OPCML: variants seen among roughly 807,000 people sequenced by gnomAD.
The protein encoded by OPCML is opioid-binding protein/cell adhesion molecule.
Under a neutral mutation model 37.8 loss-of-function variants are expected in OPCML, and 13 were observed. The ratio of observed to expected loss-of-function variants is 0.34; its 90% CI spans 0.22 to 0.55. The LOEUF (loss-of-function observed/expected upper bound fraction) is 0.55. OPCML is among the 20% of genes least tolerant of loss of function. The pLI is 0.91. For synonymous variants in OPCML, 176 were observed against 168.8 expected, an observed-to-expected ratio of 1.04 and a Z score of -0.33; for missense variants, 341 against 435.6, an observed-to-expected ratio of 0.78 and a Z score of 1.93.
chr11:132,905,225 C>CT (rs373679886), intron 2 of OPCML, among the ~76,000 whole-genome samples: 36,032 of 87,860 alleles, frequency 0.41, 9,106 homozygotes, highest in Non-Finnish European at 0.49. Context: ...GAAAGCAGTT[C>CT]TTTTTTTTTT....
At chr11:132,618,435 G>A (rs111783986) in intron 3 of OPCML, among the ~76,000 whole-genome samples, 12,038 of 152,098 alleles carry the variant, frequency 0.079, 910 homozygotes, top group African/African-American at 0.19. Context: ...CCCGGGAGGC[G>A]TAGGTTGCAG....
chr11:132,682,745 T>C (rs779045642), intron 2 of OPCML, among the ~76,000 whole-genome samples: 3 of 152,192 alleles, frequency 2.0e-5, no homozygotes, highest in Admixed American at 6.5e-5. Flanking sequence ...TGAGTAAAAG[T>C]TGATCTCTCC....
At chr11:133,374,839 C>T (rs1167605611) in intron 1 of OPCML, among the ~76,000 whole-genome samples, 1 of 152,172 alleles carries the variant, frequency 6.6e-6, no homozygotes, top group Non-Finnish European at 1.5e-5. Flanking sequence ...CTCTTTCTCC[C>T]ACTGCCCACT....
intron 1 of OPCML, among the ~76,000 whole-genome samples, chr11:133,099,433 T>C (rs1371165412): frequency 4.1e-5 from 5 of 122,294 alleles, no homozygotes; most frequent in African/African-American, 1.4e-4. Flanking sequence ...TGGCTAATTT[T>C]CTTTTTTTCT....
intron 1 of OPCML, chr11:133,005,240 A>T (rs1472137302): frequency 1.0e-6 from 1 of 985,292 alleles, no homozygotes; most frequent in Non-Finnish European, 1.2e-6. Context: ...ACGATTTTAA[A>T]AGATTGATAG....
intron 1 of OPCML, among the ~76,000 whole-genome samples, chr11:133,498,093 C>A (rs559024141): frequency 1.4e-4 from 22 of 152,328 alleles, no homozygotes; most frequent in African/African-American, 5.3e-4. Flanking sequence ...TCTGCACCAC[C>A]GGAGAGGAGA....
chr11:133,458,180 G>GTA (rs1413526199), intron 1 of OPCML, among the ~76,000 whole-genome samples: 7 of 141,168 alleles, frequency 5.0e-5, no homozygotes, highest in African/African-American at 1.7e-4. Context: ...ACATATATGT[G>GTA]TATATATACA....
intron 1 of OPCML, among the ~76,000 whole-genome samples, chr11:133,471,644 C>T (rs1406418498): frequency 6.6e-6 from 1 of 152,026 alleles, no homozygotes; most frequent in Non-Finnish European, 1.5e-5. Flanking sequence ...GAGTAAAAAA[C>T]CGGAGTGGAA....
intron 1 of OPCML, among the ~76,000 whole-genome samples, chr11:133,195,385 G>GCTGGAATCC (rs1301896126): frequency 4.6e-5 from 7 of 152,334 alleles, no homozygotes; most frequent in African/African-American, 1.7e-4. Context: ...GAGAAAAGAT[G>GCTGGAATCC]CTGGAATCCT....
At chr11:133,334,202 T>C (rs1413555981) in intron 1 of OPCML, among the ~76,000 whole-genome samples, 4 of 152,296 alleles carry the variant, frequency 2.6e-5, no homozygotes, top group South Asian at 2.1e-4. Flanking sequence ...CAAATATTCA[T>C]TGCAGCACTC....
intron 1 of OPCML, among the ~76,000 whole-genome samples, chr11:133,339,453 C>T (rs1171771659): frequency 6.6e-6 from 1 of 152,222 alleles, no homozygotes; most frequent in Non-Finnish European, 1.5e-5. Flanking sequence ...GAGGGCTGCC[C>T]ACTGTTTCCC....
At chr11:132,513,403 TAC>T (rs1491102516) in intron 4 of OPCML, among the ~76,000 whole-genome samples, 3 of 152,164 alleles carry the variant, frequency 2.0e-5, no homozygotes, top group Non-Finnish European at 4.4e-5. Flanking sequence ...AAGATTTGAA[TAC>T]AGATTTTGCT....
At chr11:133,523,801 G>T (rs1447761975) in intron 1 of OPCML, among the ~76,000 whole-genome samples, 1 of 152,116 alleles carries the variant, frequency 6.6e-6, no homozygotes, top group Admixed American at 6.5e-5. Flanking sequence ...TGTTCATTCT[G>T]CCTCTTCCTT....
intron 4 of OPCML, among the ~76,000 whole-genome samples, chr11:132,526,878 C>T (rs982648937): frequency 2.0e-5 from 3 of 152,070 alleles, no homozygotes; most frequent in South Asian, 2.1e-4. Context: ...GGCCCTTTGC[C>T]GTCACTTCTC....
At chr11:132,453,660 C>A (rs557938424) in intron 4 of OPCML, among the ~76,000 whole-genome samples, 2 of 152,172 alleles carry the variant, frequency 1.3e-5, no homozygotes, top group African/African-American at 2.4e-5. Context: ...TTAAGCCCCT[C>A]GGCAGGGTTT....
intron 4 of OPCML, among the ~76,000 whole-genome samples, chr11:132,499,541 G>A (rs997675320): frequency 3.3e-5 from 5 of 152,232 alleles, no homozygotes; most frequent in African/African-American, 1.2e-4. Flanking sequence ...GGAAAAGCAT[G>A]GTGATGGAGC....
intron 1 of OPCML, among the ~76,000 whole-genome samples, chr11:132,959,140 T>C (rs1414722239): frequency 1.3e-5 from 2 of 152,180 alleles, no homozygotes; most frequent in Non-Finnish European, 2.9e-5. Context: ...AGTATCCACA[T>C]TAACAGGAGC....
chr11:133,489,853 T>C (rs1565663412), intron 1 of OPCML, among the ~76,000 whole-genome samples: 1 of 92,010 alleles, frequency 1.1e-5, no homozygotes, highest in Non-Finnish European at 2.2e-5. Context: ...TATATATATA[T>C]TTTTTTATAC....
At chr11:132,436,320 G>A (rs1266788484) in intron 6 of OPCML, 83 bp from the exon 7 acceptor site, 30 of 1,606,190 alleles carry the variant, frequency 1.9e-5, no homozygotes, top group African/African-American at 8.1e-5. Flanking sequence ...AACTAATCTC[G>A]TCCTTCAAAC....
Sources: allele counts gnomAD v4.1 joint callset (sites outside exome capture counted in the v4.1 genomes callset), GRCh38; gene constraint gnomAD v4.1.1; transcripts MANE v1.5; gene names NCBI Gene and HGNC (gene_info 2026-07-23, HGNC 2026-07-21).